VPS72: variants seen among roughly 807,000 people sequenced by gnomAD.
VPS72 encodes the protein vacuolar protein sorting-associated protein 72 homolog.
A neutral mutation model predicts 38.9 loss-of-function variants in VPS72; 27 were observed. That is an observed-to-expected ratio of 0.69 (90% confidence interval 0.51 to 0.96). VPS72 has a LOEUF of 0.96. Ranked by LOEUF, VPS72 falls within the 40% of genes least tolerant of loss-of-function variation. The pLI is 0.00. For missense variants in VPS72, 360 were observed against 479.5 expected, an observed-to-expected ratio of 0.75 and a Z score of 2.33; for synonymous variants, 173 against 186.3, an observed-to-expected ratio of 0.93 and a Z score of 0.58.
At chr1:151,188,595 G>A (rs1242427327) in intron 1 of VPS72, among the ~76,000 whole-genome samples, 2 of 152,178 alleles carry the variant, frequency 1.3e-5, no homozygotes, top group Admixed American at 6.6e-5. Flanking sequence ...ATGCTCTGGA[G>A]AATGAAAGTA....
chr1:151,184,573 G>T, intron 3 of VPS72, 80 bp from the exon 4 acceptor site: 1 of 1,390,006 alleles, frequency 7.2e-7, no homozygotes, highest in Non-Finnish European at 9.5e-7. Context: ...TGTTGTACTT[G>T]GAAATAATTT....
chr1:151,190,156 C>A lies in VPS72; in HGVS notation c.-35G>T, dbSNP rs767767829. 5 of 1,608,248 alleles carry A rather than the reference C, an allele frequency of 3.1e-6. No homozygotes were observed. Among genetic ancestry groups the A allele is most frequent in the Non-Finnish European group, 4.2e-6 (5 of 1,178,832 alleles). ...CGAGACTGCGCCGCCACCTGCAGCC[C>A]CTCACCAGCTCGGTTTTGGGAGCTC... is the stretch of plus-strand genomic sequence containing the variant. On this transcript the variant is annotated 5_prime_UTR_variant, in exon 1 of 6. Transcript: ENST00000368892.
At chr1:151,180,911 TGCTC>T (rs1468824032) in intron 4 of VPS72, among the ~76,000 whole-genome samples, 1 of 152,202 alleles carries the variant, frequency 6.6e-6, no homozygotes, top group African/African-American at 2.4e-5. Flanking sequence ...TGGTGGAGGT[TGCTC>T]ATTCTCTTAC....
chr1:151,177,482 G>A (rs1684141092), intron 5 of VPS72, among the ~76,000 whole-genome samples: 1 of 151,836 alleles, frequency 6.6e-6, no homozygotes, highest in South Asian at 2.1e-4. Flanking sequence ...TCTGAGGAAC[G>A]TACTAAGTGA....
In VPS72 at chr1:151,185,612, G is replaced by A; in HGVS notation, c.279C>T (p.Leu93=). The change falls in exon 3 of 6, where the codon CTC becomes CTT. Residue 93 remains leucine, a synonymous_variant. Transcript: ENST00000368892. ...TGACCTTTCGAGGCCTTAAGCTCTT[G>A]AGAGGTTCCTGAGGACAGATTGGAA... ...RVVTKAYKEP[L]KSLRPRKVNT... is the part of the protein sequence containing the mutation. 6.2e-7 allele frequency: 1 copy of A among 1,614,130 alleles called. No homozygotes were observed. The highest frequency in any genetic ancestry group is 8.5e-7 in the Non-Finnish European group (1 of 1,180,032).
Position 151,190,010 on chromosome 1 carries a change from T to A in VPS72, c.112A>T (p.Thr38Ser). 6.2e-7 allele frequency: 1 copy of A among 1,614,052 alleles called. No homozygotes were observed. The highest frequency in any genetic ancestry group is 8.5e-7 in the Non-Finnish European group (1 of 1,179,960). ...TTCCCAGGCCCGGATCTTGCCTCTG[T>A]GAAACCCCCATAAGTCGTCTGGTAG... ...EFYQTTYGGF[T>S]EESGDDEYQG... The change falls in exon 1 of 6, where the codon ACA becomes TCA. Residue 38 changes from threonine (T) to serine (S), a missense_variant. By Grantham distance (58) the Thr-to-Ser change is moderately conservative. Transcript: ENST00000368892.
intron 4 of VPS72, among the ~76,000 whole-genome samples, chr1:151,179,356 T>C (rs1364387947): frequency 1.3e-5 from 2 of 152,098 alleles, no homozygotes; most frequent in African/African-American, 4.8e-5. Flanking sequence ...CCCCAGCACT[T>C]TGGGAGGCCA....
At chr1:151,179,590 C>T (rs1442551110) in intron 4 of VPS72, among the ~76,000 whole-genome samples, 1 of 151,166 alleles carries the variant, frequency 6.6e-6, no homozygotes, top group East Asian at 2.0e-4. Context: ...AAGAGTGAGA[C>T]TCCGTCTCAA....
In VPS72 at chr1:151,190,118, T is replaced by C. The variant is rs768326472; in HGVS notation, c.4A>G (p.Ser2Gly). 3.3e-5 allele frequency: 53 copies of C among 1,613,166 alleles called. No homozygotes were observed. The highest frequency in any genetic ancestry group is 4.4e-5 in the Non-Finnish European group (52 of 1,179,996). ...CGGGGTGCCCGGCCCCCAGCCAAAC[T>C]CATACCGCCTACCGAGACTGCGCCG... M[S>G]LAGGRAPRKT... Residue 2 changes from serine (S) to glycine (G), a missense_variant, in exon 1 of 6, where the codon AGT (serine) becomes GGT (glycine). Ser to Gly is a moderately conservative substitution (Grantham distance 56). Coordinates refer to ENST00000368892, the MANE Select transcript of VPS72 (RefSeq NM_005997.3).
At chr1:151,187,154 C>T (rs191745172) in intron 1 of VPS72, among the ~76,000 whole-genome samples, 23 of 152,232 alleles carry the variant, frequency 1.5e-4, no homozygotes, top group African/African-American at 5.3e-4. Context: ...ACGTGAAGTA[C>T]AGCCTAGACC....
intron 1 of VPS72, among the ~76,000 whole-genome samples, chr1:151,186,637 G>A (rs1684356240): frequency 6.6e-6 from 1 of 152,050 alleles, no homozygotes; most frequent in Non-Finnish European, 1.5e-5. Context: ...CAGCCAAGAG[G>A]GAGGAAGGAA....
At position 151,186,537 on chromosome 1, in the gene VPS72, C is replaced by T. The variant is rs758210625; in HGVS notation, c.118-587G>A. 1.0e-4 allele frequency among the ~76,000 whole-genome samples: 15 copies of T among 146,026 alleles called. 1 individual carries two copies. The highest frequency in any genetic ancestry group is 4.2e-4 in the Admixed American group (6 of 14,396). On this transcript the variant is annotated intron_variant, in intron 1 of 5. Transcript: ENST00000368892. ...TAGTGCCACTGCACTCCAGCCTGGG[C>T]GACAGGGCGAGACACAGTCTCAAAA...
chr1:151,177,007 A>G lies in VPS72; in HGVS notation c.732T>C (p.Ser244=). 6.3e-7 allele frequency: 1 copy of G among 1,580,232 alleles called. No individual in the cohort carries two copies. Among genetic ancestry groups the G allele is most frequent in the East Asian group, 2.2e-5 (1 of 44,576 alleles). ...CAGTCCCAGCATGAGGAGTCAATGCAGACACCGAGGGAGCAGGATCAAGTC... is the reference window on the plus strand; with the variant it reads ...CAGTCCCAGCATGAGGAGTCAATGCGGACACCGAGGGAGCAGGATCAAGTC... ...IEGLDPAPSV[S]ALTPHAGTGP... is the part of the protein sequence containing the mutation. The change falls in exon 6 of 6, where the codon TCT becomes TCC. Residue 244 remains serine, a synonymous_variant. Coordinates refer to ENST00000368892, the MANE Select transcript of VPS72 (RefSeq NM_005997.3).
intron 1 of VPS72, among the ~76,000 whole-genome samples, chr1:151,188,894 G>A (rs1177085309): frequency 1.3e-5 from 2 of 152,004 alleles, no homozygotes; most frequent in Non-Finnish European, 2.9e-5. Context: ...GCAGTGGTAC[G>A]ATCTCGGCTC....
In VPS72 at chr1:151,177,998, C is replaced by T; in HGVS notation, c.707+3G>A. Reference sequence around the variant, plus strand: ...ATCTCTTTTCCTCTTGAGATTCACTCACCCTTCTATGTCAACGTTCTCTTC... The same window carrying T: ...ATCTCTTTTCCTCTTGAGATTCACTTACCCTTCTATGTCAACGTTCTCTTC... On this transcript the variant is annotated splice_donor_region_variant and intron_variant, in intron 5 of 5. Coordinates refer to ENST00000368892, the MANE Select transcript of VPS72 (RefSeq NM_005997.3). 1 of 1,613,082 alleles carries T rather than the reference C, an allele frequency of 6.2e-7. No homozygotes were observed. Among genetic ancestry groups the T allele is most frequent in the South Asian group, 1.1e-5 (1 of 90,882 alleles).
At position 151,178,041 on chromosome 1, in the gene VPS72, C is replaced by T. The variant is rs587666564; in HGVS notation, c.667G>A (p.Gly223Arg). 5 of 1,614,036 alleles carry T rather than the reference C, an allele frequency of 3.1e-6. No individual in the cohort carries two copies. In the Admixed American group the frequency reaches 8.3e-5, roughly 27 times the overall value. ...TYHSVTVPLV[G>R]EPGPKEENVD... ...TTCTCTTCCTTGGGGCCTGGCTCCC[C>T]AACAAGTGGCACTGTCACTGAATGA... Residue 223 changes from glycine to arginine, a missense_variant, in exon 5 of 6, where the codon GGG (glycine) becomes AGG (arginine). Transcript: ENST00000368892.
At position 151,178,268 on chromosome 1, in the gene VPS72, C is replaced by T. The variant is rs1558212528; in HGVS notation, c.563-123G>A. The T allele has an allele frequency of 4.3e-5, 58 of 1,339,428 alleles. No homozygotes were observed. The South Asian group carries it at 8.9e-4, about 21-fold the overall frequency. The allele number at this position is 1,339,428 out of a possible 1,614,324, so 83.0% of individuals were successfully genotyped here. On this transcript the variant is annotated intron_variant, in intron 4 of 5. Coordinates refer to ENST00000368892, the MANE Select transcript of VPS72 (RefSeq NM_005997.3). ...TCTAGTCACTGCCAACTACCAGAGA[C>T]AACTATGGAAGTCCCCTAAGGCCGT... is the stretch of plus-strand genomic sequence containing the variant.
intron 4 of VPS72, among the ~76,000 whole-genome samples, chr1:151,179,385 G>A (rs1367967382): frequency 2.0e-5 from 3 of 151,712 alleles, no homozygotes; most frequent in African/African-American, 7.3e-5. Flanking sequence ...GGATCATGAG[G>A]TCAGGAGATC....
rs76774798 is a variant in VPS72 at position 151,189,610 on chromosome 1, C to T, written c.117+395G>A. 3.6e-3 allele frequency among the ~76,000 whole-genome samples: 547 copies of T among 152,238 alleles called. 6 individuals are homozygous for T. The highest frequency in any genetic ancestry group is 0.01 in the Middle Eastern group (3 of 294). ...CTTTTGGAGCGGTTCCTTTCCATGT[C>T]TCAGGTGAATAATCCAGCAGTGGGC... On this transcript the variant is annotated intron_variant, in intron 1 of 5. Coordinates refer to ENST00000368892, the MANE Select transcript of VPS72 (RefSeq NM_005997.3).
Sources: gnomAD v4.1 joint callset for allele counts (sites outside exome capture counted in the v4.1 genomes callset) on GRCh38, gnomAD v4.1.1 for gene constraint, MANE v1.5 for transcripts, NCBI Gene and HGNC (gene_info 2026-07-23, HGNC 2026-07-21) for gene names.